GNA14: variants seen among roughly 807,000 people sequenced by gnomAD.
The protein encoded by GNA14 is guanine nucleotide-binding protein subunit alpha-14.
Under a neutral mutation model 42.0 loss-of-function variants are expected in GNA14, and 50 were observed. That is an observed-to-expected ratio of 1.19 (90% CI 0.95 to 1.51). The LOEUF (loss-of-function observed/expected upper bound fraction) is 1.51. Ranked by LOEUF, GNA14 falls within the 40% of genes most tolerant of loss-of-function variation. GNA14 has a pLI of 0.00. For synonymous variants in GNA14, 173 were observed against 163.1 expected, an observed-to-expected ratio of 1.06 and a Z score of -0.46; for missense variants, 473 against 446.2, an observed-to-expected ratio of 1.06 and a Z score of -0.54.
chr9:77,546,281 C>T (rs1437658094), intron 1 of GNA14, among the ~76,000 whole-genome samples: 1 of 151,060 alleles, frequency 6.6e-6, no homozygotes, highest in Admixed American at 6.6e-5. Context: ...ACCATATAGC[C>T]TTGGGCTTTT....
chr9:77,526,456 C>T (rs1837439838), intron 2 of GNA14: 1 of 151,970 alleles, frequency 6.6e-6, no homozygotes, highest in African/African-American at 2.4e-5. Flanking sequence ...TAAGGTCATA[C>T]CGGATTAGGG....
chr9:77,458,906 G>T (rs55804903), intron 2 of GNA14, among the ~76,000 whole-genome samples: 4 of 113,014 alleles, frequency 3.5e-5, no homozygotes, highest in South Asian at 4.9e-4. Flanking sequence ...CAAGCTGGAG[G>T]GGGGGGGGTT....
chr9:77,426,271 C>T (rs548321860), intron 5 of GNA14, among the ~76,000 whole-genome samples: 10 of 148,858 alleles, frequency 6.7e-5, no homozygotes, highest in Non-Finnish European at 1.2e-4. Context: ...AGCAGTGGCC[C>T]GTTTGATGGG....
intron 2 of GNA14, among the ~76,000 whole-genome samples, chr9:77,458,219 A>G (rs1587772971): frequency 6.6e-6 from 1 of 152,182 alleles, no homozygotes; most frequent in African/African-American, 2.4e-5. Context: ...CGACTGTCTT[A>G]GGGACCCGCT....
At chr9:77,485,645 A>G (rs1836646863) in intron 2 of GNA14, among the ~76,000 whole-genome samples, 1 of 152,212 alleles carries the variant, frequency 6.6e-6, no homozygotes, top group Non-Finnish European at 1.5e-5. Context: ...AAGACTTGGA[A>G]GTCAAAATTA....
rs1009738210 is a variant in GNA14, at chr9:77,460,838, G to C, written c.310-26316C>G. On this transcript the variant is annotated intron_variant, in intron 2 of 6. Coordinates refer to ENST00000341700, the MANE Select transcript of GNA14 (RefSeq NM_004297.4). The stretch of plus-strand genomic sequence containing the variant: ...GTGGGGCGTGGATGGAAGAGCAGGG[G>C]CCAGGTCCAGTGTCGTTGACTTTGT... Among the ~76,000 whole-genome samples the C allele has an allele frequency of 7.2e-5, 11 of 152,150 alleles. No homozygotes were observed. The South Asian group carries it at 2.1e-3, about 29-fold the overall frequency.
At chr9:77,598,570 A>G (rs913949623) in intron 1 of GNA14, among the ~76,000 whole-genome samples, 2 of 152,200 alleles carry the variant, frequency 1.3e-5, no homozygotes, top group African/African-American at 2.4e-5. Flanking sequence ...CAGAGAAAAC[A>G]TAAGACGCAA....
At chr9:77,432,364 C>T (rs1835570439) in intron 3 of GNA14, among the ~76,000 whole-genome samples, 1 of 152,316 alleles carries the variant, frequency 6.6e-6, no homozygotes, top group East Asian at 1.9e-4. Context: ...CACAACCCAC[C>T]TCTCTGCCCA....
At chr9:77,544,228 A>C (rs1837693279) in intron 1 of GNA14, among the ~76,000 whole-genome samples, 1 of 152,244 alleles carries the variant, frequency 6.6e-6, no homozygotes, top group East Asian at 1.9e-4. Flanking sequence ...GAGAATCTTA[A>C]GAATCAAATG....
chr9:77,625,495 G>A (rs1257420759), intron 1 of GNA14, among the ~76,000 whole-genome samples: 2 of 152,142 alleles, frequency 1.3e-5, no homozygotes, highest in Non-Finnish European at 2.9e-5. Flanking sequence ...GAAAGGTCGG[G>A]TTACCCACAA....
chr9:77,466,729 T>G (rs574853932), intron 2 of GNA14, among the ~76,000 whole-genome samples: 1 of 152,292 alleles, frequency 6.6e-6, no homozygotes, highest in Admixed American at 6.5e-5. Context: ...TAATACATGG[T>G]AGCAACTCTG....
At chr9:77,610,974 G>T (rs1823720549) in intron 1 of GNA14, among the ~76,000 whole-genome samples, 1 of 152,170 alleles carries the variant, frequency 6.6e-6, no homozygotes, top group South Asian at 2.1e-4. Flanking sequence ...CCAAATTGGG[G>T]TTTTAATAAT....
At chr9:77,604,117 C>T (rs1442274519) in intron 1 of GNA14, among the ~76,000 whole-genome samples, 1 of 152,042 alleles carries the variant, frequency 6.6e-6, no homozygotes, top group Non-Finnish European at 1.5e-5. Context: ...GACTTCAGAG[C>T]TATTTCGGCT....
chr9:77,554,250 T>C (rs1021892642), intron 1 of GNA14, among the ~76,000 whole-genome samples: 2 of 152,186 alleles, frequency 1.3e-5, no homozygotes, highest in African/African-American at 4.8e-5. Flanking sequence ...ATTTTTAAGC[T>C]TGCACACACA....
intron 2 of GNA14, chr9:77,518,017 A>T (rs1365449902): frequency 6.6e-6 from 1 of 152,178 alleles, no homozygotes; most frequent in East Asian, 1.9e-4. Flanking sequence ...TGTCTTATTA[A>T]CTAGGAAGCC....
chr9:77,447,209 G>A (rs563389110), intron 2 of GNA14, among the ~76,000 whole-genome samples: 1 of 152,250 alleles, frequency 6.6e-6, no homozygotes, highest in South Asian at 2.1e-4. Flanking sequence ...CTCTCAAAGT[G>A]CTGGGATTAC....
At chr9:77,500,741 G>C (rs143272471) in intron 2 of GNA14, among the ~76,000 whole-genome samples, 3 of 152,304 alleles carry the variant, frequency 2.0e-5, no homozygotes, top group Admixed American at 2.0e-4. Context: ...CTTAGCATAA[G>C]TCTCTGAAGA....
In GNA14 at chr9:77,458,291, T is replaced by C. The variant is rs544996188; in HGVS notation, c.310-23769A>G. ...TGAAACCAGGCCCAAGTGCACAGCTTTGAGGGGGGAAAAGAAAGTCTCCTG... is the reference window on the plus strand; with the variant it reads ...TGAAACCAGGCCCAAGTGCACAGCTCTGAGGGGGGAAAAGAAAGTCTCCTG... On this transcript the variant is annotated intron_variant, in intron 2 of 6. Coordinates refer to ENST00000341700, the MANE Select transcript of GNA14 (RefSeq NM_004297.4). 1.5e-3 allele frequency among the ~76,000 whole-genome samples: 161 copies of C among 109,930 alleles called. 1 individual carries two copies. The highest frequency in any genetic ancestry group is 3.3e-3 in the Admixed American group (36 of 10,812). The allele number at this position is 109,930 out of a possible 152,430, so 72.1% of individuals were successfully genotyped here.
intron 1 of GNA14, among the ~76,000 whole-genome samples, chr9:77,616,938 T>C (rs563480639): frequency 2.1e-3 from 312 of 151,692 alleles, no homozygotes; most frequent in Middle Eastern, 3.4e-3. Context: ...GGCACGATCT[T>C]GGCTCACTGC....
Sources: allele counts gnomAD v4.1 joint callset (sites outside exome capture counted in the v4.1 genomes callset), GRCh38; gene constraint gnomAD v4.1.1; transcripts MANE v1.5; gene names NCBI Gene and HGNC (gene_info 2026-07-23, HGNC 2026-07-21).